DPP6: variants seen among roughly 807,000 people sequenced by gnomAD.
The protein encoded by DPP6 is dipeptidyl peptidase like 6.
Under a neutral mutation model 122.6 loss-of-function variants are expected in DPP6, and 69 were observed. That is an observed-to-expected ratio of 0.56 (90% CI 0.46 to 0.69). The LOEUF is 0.69. Among genes scored for constraint, DPP6 ranks in the 30% least tolerant of loss-of-function variants. DPP6 has a pLI of 0.00. For synonymous variants in DPP6, 418 were observed against 433.1 expected (o/e 0.97, Z 0.43); for missense variants, 928 against 1,116.9 (o/e 0.83, Z 2.41).
intron 6 of DPP6, among the ~76,000 whole-genome samples, chr7:154,647,571 A>C (rs938444747): frequency 2.0e-5 from 3 of 152,002 alleles, no homozygotes; most frequent in Non-Finnish European, 4.4e-5. Flanking sequence ...GTTGGTTGTG[A>C]TTGTTCCTGA....
intron 5 of DPP6, among the ~76,000 whole-genome samples, chr7:154,613,619 C>CAAAAAAAAAAAAAAAAAAA (rs749561005): frequency 1.9e-5 from 1 of 51,848 alleles, no homozygotes; most frequent in African/African-American, 9.1e-5. Context: ...GACTCTGTCT[C>CAAAAAAAAAAAAAAAAAAA]AAAAAAAAAA....
At chr7:154,460,178 C>T (rs889297144) in intron 2 of DPP6, among the ~76,000 whole-genome samples, 20 of 151,904 alleles carry the variant, frequency 1.3e-4, no homozygotes, top group African/African-American at 3.1e-4. Flanking sequence ...GACGGGGTTT[C>T]GCGATGTTGG....
chr7:154,221,371 C>T (rs974192360), intron 1 of DPP6, among the ~76,000 whole-genome samples: 4 of 152,148 alleles, frequency 2.6e-5, no homozygotes, highest in Admixed American at 2.6e-4. Flanking sequence ...AAACTCCTGA[C>T]CTCAAATGAT....
chr7:154,801,290 T>G, intron 12 of DPP6, 65 bp from the exon 13 acceptor site: 1 of 1,544,564 alleles, frequency 6.5e-7, no homozygotes, highest in Non-Finnish European at 8.8e-7. Flanking sequence ...TATTTTATCC[T>G]GGTTCAACCT....
chr7:154,447,400 A>G (rs1259614569), intron 2 of DPP6, among the ~76,000 whole-genome samples: 1 of 152,194 alleles, frequency 6.6e-6, no homozygotes, highest in Non-Finnish European at 1.5e-5. Context: ...TCATGATCAT[A>G]GTAGATGCCT....
At chr7:154,141,980 C>G (rs1795870791) in intron 1 of DPP6, among the ~76,000 whole-genome samples, 1 of 152,116 alleles carries the variant, frequency 6.6e-6, no homozygotes, top group Non-Finnish European at 1.5e-5. Flanking sequence ...TCAAAAGGAG[C>G]TAAACCTTAA....
the DPP6 span, among the ~76,000 whole-genome samples, chr7:153,790,141 T>C: frequency 6.6e-6 from 1 of 152,142 alleles, no homozygotes. Context: ...ATAAAAACTA[T>C]GACTGAAAAT....
At chr7:154,475,383 G>A (rs1392829515) in intron 3 of DPP6, 2 of 321,658 alleles carry the variant, frequency 6.2e-6, no homozygotes, top group African/African-American at 4.3e-5. Context: ...GCAGGGCACG[G>A]TGAGCTTTCC....
chr7:154,082,080 T>G (rs911109514), intron 1 of DPP6, among the ~76,000 whole-genome samples: 1 of 152,154 alleles, frequency 6.6e-6, no homozygotes, highest in African/African-American at 2.4e-5. Flanking sequence ...ACTCTGCATG[T>G]GAACACAGCA....
chr7:154,819,477 G>A (rs967801055), intron 16 of DPP6, among the ~76,000 whole-genome samples: 6 of 152,216 alleles, frequency 3.9e-5, no homozygotes, highest in Non-Finnish European at 8.8e-5. Flanking sequence ...TCTAGAATGT[G>A]TCCATTCCTT....
chr7:153,925,076 C>T (rs1334780968), intron 1 of DPP6, among the ~76,000 whole-genome samples: 1 of 152,154 alleles, frequency 6.6e-6, no homozygotes, highest in Non-Finnish European at 1.5e-5. Flanking sequence ...ATGATGGAAG[C>T]TGTGGAGCAG....
intron 21 of DPP6, chr7:154,883,563 TACACATACATGCTCACCCATACACCTGC>T (rs1805680543): frequency 1.8e-5 from 1 of 56,272 alleles, no homozygotes; most frequent in Non-Finnish European, 3.3e-5. Context: ...TGCTCACACA[TACACATACATGCTCACCCATACACCTGC>T]TCACACACAC....
At chr7:154,587,488 TCA>T in intron 5 of DPP6, 1 of 745,034 alleles carries the variant, frequency 1.3e-6, no homozygotes, top group East Asian at 2.7e-5. Context: ...AGACACAGCT[TCA>T]TGCAAAATAT....
At chr7:154,744,799 C>T (rs996863121) in intron 8 of DPP6, among the ~76,000 whole-genome samples, 3 of 152,156 alleles carry the variant, frequency 2.0e-5, no homozygotes, top group African/African-American at 4.8e-5. Context: ...TGCAATTTCC[C>T]GGGACCCAGA....
At chr7:154,700,620 A>C (rs1168245458) in intron 7 of DPP6, among the ~76,000 whole-genome samples, 2 of 152,252 alleles carry the variant, frequency 1.3e-5, no homozygotes, top group African/African-American at 4.8e-5. Context: ...CAGTTCTTTA[A>C]GTAAATTCTC....
In DPP6 at chr7:154,812,630, G is replaced by A. The variant is rs187787967; in HGVS notation, c.1666+5518G>A. 4.0e-3 allele frequency among the ~76,000 whole-genome samples: 616 copies of A among 152,152 alleles called. 3 individuals are homozygous for A. The highest frequency in any genetic ancestry group is 0.01 in the Admixed American group (157 of 15,288). ...CCATTCCCAAGGGTTCCACTCTTGG[G>A]ACCTAATCACCTCTCAAAGGCCCCA... On this transcript the variant is annotated intron_variant, in intron 16 of 25. Transcript: ENST00000377770.
At chr7:153,818,148 C>CAT in the DPP6 span, among the ~76,000 whole-genome samples, 27,696 of 149,198 alleles carry the variant, frequency 0.19, 3,558 homozygotes, top group African/African-American at 0.38. Context: ...ATGGCCAATG[C>CAT]ATATATATAT....
At chr7:154,804,830 G>A (rs1314511703) in intron 14 of DPP6, 87 bp from the exon 15 acceptor site, 2 of 1,537,428 alleles carry the variant, frequency 1.3e-6, no homozygotes, top group Non-Finnish European at 1.8e-6. Context: ...AGTCCCTGAG[G>A]AGTGTCCATA....
At chr7:154,075,144 T>C (rs924554047) in intron 1 of DPP6, among the ~76,000 whole-genome samples, 1 of 151,752 alleles carries the variant, frequency 6.6e-6, no homozygotes, top group African/African-American at 2.4e-5. Context: ...AATTAAAAAA[T>C]CAAAAAATAA....
Sources: gnomAD v4.1 joint callset for allele counts (sites outside exome capture counted in the v4.1 genomes callset) on GRCh38, gnomAD v4.1.1 for gene constraint, MANE v1.5 for transcripts, NCBI Gene and HGNC (gene_info 2026-07-23, HGNC 2026-07-21) for gene names.